Variants in SRBD1 observed in about 807,000 individuals in gnomAD.
SRBD1 encodes S1 RNA binding domain 1.
A neutral mutation model predicts 115.3 loss-of-function variants in SRBD1; 88 were observed. The observed-to-expected ratio is 0.76, with a 90% CI of 0.64 to 0.91. The LOEUF (loss-of-function observed/expected upper bound fraction) is 0.91. SRBD1 is among the 40% of genes least tolerant of loss of function. The probability of loss-of-function intolerance (pLI) is 0.00; values close to 1 mark genes in which losing one functional copy is unlikely to be tolerated. For missense variants in SRBD1, 1,385 were observed against 1,177.4 expected (o/e 1.18, Z -2.58); for synonymous variants, 509 against 407.7 (o/e 1.25, Z -2.99).
rs1674021462 is a variant in SRBD1 at position 45,599,539 on chromosome 2, A to G, written c.558T>C (p.Thr186=). ...FGQSALKKIK[T]ETYPQGQPVK... is the part of the protein sequence containing the mutation. ...CAGGCTGCCCCTGAGGATATGTCTC[A>G]GTCTTGATTTTCTTTAAAGCGGACT... The change falls in exon 4 of 21, where the codon ACT becomes ACC. Residue 186 remains threonine, a synonymous_variant. Transcript: ENST00000263736. The G allele has an allele frequency of 1.2e-6, 2 of 1,614,190 alleles. No individual in the cohort carries two copies. Among genetic ancestry groups the G allele is most frequent in the East Asian group, 4.5e-5 (2 of 44,884 alleles).
At chr2:45,421,262 C>T (rs1364343026) in intron 16 of SRBD1, among the ~76,000 whole-genome samples, 1 of 151,956 alleles carries the variant, frequency 6.6e-6, no homozygotes, top group African/African-American at 2.4e-5. Flanking sequence ...AATCTCAGCA[C>T]TTTGGGAGGC....
At chr2:45,418,180 G>A (rs935503825) in intron 18 of SRBD1, among the ~76,000 whole-genome samples, 185 bp downstream of exon 18, 3 of 152,114 alleles carry the variant, frequency 2.0e-5, no homozygotes, top group Non-Finnish European at 2.9e-5. Context: ...ATGAGAATCC[G>A]GAATTTGCTG....
chr2:45,439,555 T>C (rs1668598809), intron 16 of SRBD1, among the ~76,000 whole-genome samples: 1 of 151,302 alleles, frequency 6.6e-6, no homozygotes, highest in East Asian at 1.9e-4. Context: ...TCAACAGAAT[T>C]AAAATGAAAA....
At chr2:45,500,071 T>C (rs1233903790) in intron 14 of SRBD1, among the ~76,000 whole-genome samples, 3 of 152,214 alleles carry the variant, frequency 2.0e-5, no homozygotes, top group Non-Finnish European at 4.4e-5. Flanking sequence ...ACTGAATCTG[T>C]AGATCACTTT....
At chr2:45,423,446 T>C (rs1261319317) in intron 16 of SRBD1, among the ~76,000 whole-genome samples, 1 of 152,162 alleles carries the variant, frequency 6.6e-6, no homozygotes, top group African/African-American at 2.4e-5. Context: ...ACCAGATACA[T>C]GGTAGGAGAA....
At chr2:45,524,033 T>G (rs1328365946) in intron 14 of SRBD1, among the ~76,000 whole-genome samples, 2 of 152,118 alleles carry the variant, frequency 1.3e-5, no homozygotes, top group East Asian at 1.9e-4. Context: ...CATACAATCA[T>G]GTCAACAAAA....
chr2:45,590,661 C>T (rs1673691923), intron 4 of SRBD1, among the ~76,000 whole-genome samples: 1 of 152,178 alleles, frequency 6.6e-6, no homozygotes, highest in South Asian at 2.1e-4. Flanking sequence ...TTTGCTTCCC[C>T]TTCCGCCATG....
Position 45,553,647 on chromosome 2 carries a change from T to C in SRBD1, c.1493A>G (p.Tyr498Cys), listed in dbSNP as rs551341261. The C allele has an allele frequency of 3.5e-5, 56 of 1,600,454 alleles. No homozygotes were observed. The highest frequency in any genetic ancestry group is 8.8e-5 in the Admixed American group (5 of 56,648). Residue 498 changes from tyrosine (Y) to cysteine (C), a missense_variant, in exon 11 of 21, where the codon TAT (tyrosine) becomes TGT (cysteine). Tyr to Cys is a radical substitution (Grantham distance 194, BLOSUM62 -2). Coordinates refer to ENST00000263736, the MANE Select transcript of SRBD1 (RefSeq NM_018079.5). ...SLNDSFKRLI[Y>C]PLLCREFRAK... ...CCTGAATTCTCTACAGAGAAGAGGA[T>C]AAATAAGGCGTTTAAAGGAATCATT...
intron 14 of SRBD1, among the ~76,000 whole-genome samples, chr2:45,545,873 C>T (rs1004226866): frequency 1.3e-5 from 2 of 152,206 alleles, no homozygotes; most frequent in Non-Finnish European, 2.9e-5. Flanking sequence ...TTTTGGCCTA[C>T]CTACACAAAT....
intron 16 of SRBD1, among the ~76,000 whole-genome samples, chr2:45,440,410 G>A (rs1668629140): frequency 6.6e-6 from 1 of 152,140 alleles, no homozygotes; most frequent in Admixed American, 6.5e-5. Flanking sequence ...AATCCTAAAT[G>A]TCTGCCTTGC....
intron 16 of SRBD1, among the ~76,000 whole-genome samples, chr2:45,431,876 A>C (rs1668348603): frequency 6.6e-6 from 1 of 152,234 alleles, no homozygotes; most frequent in Non-Finnish European, 1.5e-5. Flanking sequence ...AAGTTTTAAA[A>C]ACTCTTCTAG....
intron 14 of SRBD1, among the ~76,000 whole-genome samples, chr2:45,527,406 G>A (rs1671479008): frequency 6.6e-6 from 1 of 151,754 alleles, no homozygotes; most frequent in African/African-American, 2.4e-5. Context: ...CACAGATGAG[G>A]GTGAGATTAA....
intron 10 of SRBD1, among the ~76,000 whole-genome samples, chr2:45,561,049 G>C (rs575999149): frequency 6.6e-6 from 1 of 152,112 alleles, no homozygotes; most frequent in Non-Finnish European, 1.5e-5. Context: ...TGAGGCTGTA[G>C]TGAGCTATGA....
At chr2:45,404,541 T>C (rs6755026) in intron 19 of SRBD1, among the ~76,000 whole-genome samples, 12,263 of 152,214 alleles carry the variant, frequency 0.081, 660 homozygotes, top group African/African-American at 0.14. Context: ...TCATCCAATC[T>C]TTCAGTAAAT....
At chr2:45,524,134 G>C (rs1323725289) in intron 14 of SRBD1, among the ~76,000 whole-genome samples, 1 of 151,912 alleles carries the variant, frequency 6.6e-6, no homozygotes, top group Non-Finnish European at 1.5e-5. Context: ...CAACAAACTA[G>C]AATTAGAAGG....
intron 16 of SRBD1, among the ~76,000 whole-genome samples, chr2:45,459,926 T>C (rs1669264297): frequency 6.6e-6 from 1 of 152,136 alleles, no homozygotes; most frequent in Non-Finnish European, 1.5e-5. Context: ...GTAAGATCTT[T>C]ATCTCTCAGG....
intron 14 of SRBD1, among the ~76,000 whole-genome samples, chr2:45,530,908 C>T (rs952048925): frequency 4.6e-5 from 7 of 152,046 alleles, no homozygotes; most frequent in African/African-American, 1.7e-4. Flanking sequence ...CGAGATCAGC[C>T]TGGGCAACAC....
intron 16 of SRBD1, among the ~76,000 whole-genome samples, chr2:45,432,635 C>CT (rs1276490888): frequency 6.6e-6 from 1 of 152,190 alleles, no homozygotes; most frequent in Non-Finnish European, 1.5e-5. Context: ...GGCCTGAGGG[C>CT]TAACAGTGCC....
chr2:45,581,658 AG>A, intron 6 of SRBD1, 34 bp downstream of exon 6: 1 of 1,509,900 alleles, frequency 6.6e-7, no homozygotes, highest in Non-Finnish European at 9.1e-7. Flanking sequence ...CAATATATTC[AG>A]GTATTACATT....
Sources: gnomAD v4.1 joint callset for allele counts (sites outside exome capture counted in the v4.1 genomes callset) on GRCh38, gnomAD v4.1.1 for gene constraint, MANE v1.5 for transcripts, NCBI Gene and HGNC (gene_info 2026-07-23, HGNC 2026-07-21) for gene names.